The following CSTPP1 variants were observed in gnomAD, a reference collection of about 807,000 sequenced individuals.
The protein encoded by CSTPP1 is UPF0705 protein C11orf49.
chr11:47,078,438 G>T, the CSTPP1 span, among the ~76,000 whole-genome samples: 1 of 152,196 alleles, frequency 6.6e-6, no homozygotes, highest in East Asian at 1.9e-4. Flanking sequence ...TTAGTGAGTT[G>T]AGTCTATGAA....
chr11:46,965,656 T>C, the CSTPP1 span, among the ~76,000 whole-genome samples: 2 of 152,242 alleles, frequency 1.3e-5, no homozygotes, highest in Non-Finnish European at 2.9e-5. Context: ...TTCTCATATT[T>C]GCTTTTGCAT....
the CSTPP1 span, among the ~76,000 whole-genome samples, chr11:47,021,328 G>A: frequency 6.6e-6 from 1 of 152,196 alleles, no homozygotes; most frequent in East Asian, 1.9e-4. Flanking sequence ...AAGCATTTCT[G>A]CATGGCTACT....
At chr11:46,998,504 T>C in the CSTPP1 span, among the ~76,000 whole-genome samples, 1 of 152,166 alleles carries the variant, frequency 6.6e-6, no homozygotes, top group African/African-American at 2.4e-5. Context: ...TGACACCAGA[T>C]TGGCTTGAGG....
At chr11:47,110,330 A>G in the CSTPP1 span, among the ~76,000 whole-genome samples, 50,338 of 152,098 alleles carry the variant, frequency 0.33, 8,878 homozygotes, top group East Asian at 0.7. Flanking sequence ...GAATGTAGCA[A>G]TTAAGAACTT....
At chr11:47,031,930 A>G in the CSTPP1 span, among the ~76,000 whole-genome samples, 1 of 152,160 alleles carries the variant, frequency 6.6e-6, no homozygotes, top group African/African-American at 2.4e-5. Context: ...GTTTTAGGGC[A>G]GGAAGCATCC....
the CSTPP1 span, among the ~76,000 whole-genome samples, chr11:47,069,677 T>C: frequency 2.0e-5 from 3 of 152,032 alleles, no homozygotes; most frequent in Non-Finnish European, 4.4e-5. Flanking sequence ...ATACAAGAGT[T>C]TTATTGTTGT....
the CSTPP1 span, among the ~76,000 whole-genome samples, chr11:47,049,062 T>C: frequency 3.9e-5 from 6 of 152,110 alleles, no homozygotes; most frequent in Non-Finnish European, 8.8e-5. Context: ...CACAGCTCAC[T>C]GCAGCCTTGA....
chr11:47,021,592 T>C, the CSTPP1 span, among the ~76,000 whole-genome samples: 5 of 152,206 alleles, frequency 3.3e-5, no homozygotes, highest in Non-Finnish European at 7.3e-5. Flanking sequence ...TTTGGTGCTC[T>C]GATCAAAAGG....
the CSTPP1 span, among the ~76,000 whole-genome samples, chr11:47,123,604 G>A: frequency 6.6e-6 from 1 of 152,134 alleles, no homozygotes; most frequent in Non-Finnish European, 1.5e-5. Flanking sequence ...CTTCTGTTGG[G>A]GAGACAGTTA....
At chr11:47,152,430 CT>C in the CSTPP1 span, among the ~76,000 whole-genome samples, 8 of 152,160 alleles carry the variant, frequency 5.3e-5, no homozygotes. Context: ...ACTTCTGAGG[CT>C]GGAAGGGTGT....
At chr11:47,114,082 C>T in the CSTPP1 span, among the ~76,000 whole-genome samples, 1 of 152,132 alleles carries the variant, frequency 6.6e-6, no homozygotes, top group Non-Finnish European at 1.5e-5. Context: ...CCAGTTTTCC[C>T]AGCACCATTT....
At chr11:46,988,785 T>C in the CSTPP1 span, among the ~76,000 whole-genome samples, 5 of 152,176 alleles carry the variant, frequency 3.3e-5, no homozygotes, top group Admixed American at 6.5e-5. Flanking sequence ...CTCCATGATA[T>C]GATTAGTTAA....
At chr11:46,990,499 T>C in the CSTPP1 span, among the ~76,000 whole-genome samples, 1 of 152,170 alleles carries the variant, frequency 6.6e-6, no homozygotes, top group Non-Finnish European at 1.5e-5. Flanking sequence ...GGTTATTTCG[T>C]TTTTGCTTCT....
the CSTPP1 span, chr11:47,161,719 G>C: frequency 6.6e-7 from 1 of 1,509,728 alleles, no homozygotes; most frequent in South Asian, 1.3e-5. Flanking sequence ...CTCCTCTCCA[G>C]CACCTTGCTG....
the CSTPP1 span, among the ~76,000 whole-genome samples, chr11:47,060,321 T>G: frequency 7.1e-6 from 1 of 139,874 alleles, no homozygotes. Context: ...CACTGCAACC[T>G]CTGCCTCCCG....
chr11:46,965,290 A>G, the CSTPP1 span, among the ~76,000 whole-genome samples: 1 of 146,748 alleles, frequency 6.8e-6, no homozygotes, highest in Non-Finnish European at 1.5e-5. Flanking sequence ...CAGTGGTGCA[A>G]TCTCGGGTAA....
the CSTPP1 span, among the ~76,000 whole-genome samples, chr11:46,960,467 T>A: frequency 6.6e-6 from 1 of 152,250 alleles, no homozygotes; most frequent in Non-Finnish European, 1.5e-5. Context: ...TTTGTCTCTA[T>A]GAATTTGCTT....
At chr11:46,971,233 T>G in the CSTPP1 span, among the ~76,000 whole-genome samples, 1 of 152,336 alleles carries the variant, frequency 6.6e-6, no homozygotes, top group East Asian at 1.9e-4. Context: ...ATTAAAAATT[T>G]TAAACTATAT....
the CSTPP1 span, among the ~76,000 whole-genome samples, chr11:47,153,902 GGA>G: frequency 1.3e-5 from 2 of 152,126 alleles, no homozygotes; most frequent in African/African-American, 2.4e-5. Flanking sequence ...TCAGGGAAGT[GGA>G]GAGAGATTTA....
Sources: gnomAD v4.1 joint callset for allele counts (sites outside exome capture counted in the v4.1 genomes callset) on GRCh38, gnomAD v4.1.1 for gene constraint, MANE v1.5 for transcripts, NCBI Gene and HGNC (gene_info 2026-07-23, HGNC 2026-07-21) for gene names.